Variants in PTPRT observed in about 807,000 individuals in gnomAD.
PTPRT encodes the protein protein tyrosine phosphatase receptor type T.
A neutral mutation model predicts 176.8 loss-of-function variants in PTPRT; 56 were observed. The ratio of observed to expected loss-of-function variants is 0.32; its 90% CI spans 0.26 to 0.40. The LOEUF is 0.40. Ranked by LOEUF, PTPRT falls within the 10% of genes least tolerant of loss-of-function variation. The probability of loss-of-function intolerance (pLI) is 1.00; values close to 1 mark genes in which losing one functional copy is unlikely to be tolerated. For synonymous variants in PTPRT, 783 were observed against 739.0 expected, an observed-to-expected ratio of 1.06 and a Z score of -0.96; for missense variants, 1,540 against 1,908.2, an observed-to-expected ratio of 0.81 and a Z score of 3.60.
At position 42,184,541 on chromosome 20, in the gene PTPRT, C is replaced by CTCTTCCTCTTCT. The variant is rs1555797959; in HGVS notation, c.2491+14698_2491+14699insAGAAGAGGAAGA. Among the ~76,000 whole-genome samples the CTCTTCCTCTTCT allele has an allele frequency of 1.8e-3, 162 of 91,612 alleles. 2 individuals carry two copies. Among genetic ancestry groups the CTCTTCCTCTTCT allele is most frequent in the African/African-American group, 6.7e-3 (145 of 21,678 alleles). 60.1% of individuals were successfully genotyped at this position (91,612 alleles called of 152,430 possible). A position where few individuals can be genotyped will look rare whatever the true frequency, so the allele number is the denominator to read the frequency against. On this transcript the variant is annotated intron_variant, in intron 16 of 30. Coordinates refer to ENST00000373187, the MANE Select transcript of PTPRT (RefSeq NM_007050.6). ...CTCCTTCTTCTTCTTCTTCCTCTTC[C>CTCTTCCTCTTCT]TCTTCTTCTTCTTCTTCTTATTCTT...
chr20:42,764,237 G>A lies in PTPRT; in HGVS notation c.684+7198C>T, dbSNP rs2076953479. On this transcript the variant is annotated intron_variant, in intron 5 of 30. Transcript: ENST00000373187. ...AGGAAAGCACTGGGGACATTTACAA[G>A]GGCCACTCCTTGGAAGAGGTGGCAC... Among the ~76,000 whole-genome samples, 4 of 152,134 alleles carry A rather than the reference G, an allele frequency of 2.6e-5. 1 individual carries two copies. The South Asian group carries it at 8.3e-4, about 32-fold the overall frequency.
intron 9 of PTPRT, among the ~76,000 whole-genome samples, chr20:42,426,110 G>C (rs2059161307): frequency 6.6e-6 from 1 of 152,046 alleles, no homozygotes; most frequent in Admixed American, 6.5e-5. Context: ...GGTAGAAGAG[G>C]GTTCCCTGGC....
intron 1 of PTPRT, among the ~76,000 whole-genome samples, chr20:43,054,726 C>G (rs1299299635): frequency 6.6e-6 from 1 of 152,084 alleles, no homozygotes; most frequent in Non-Finnish European, 1.5e-5. Context: ...TCTGTAGTCC[C>G]TGACAGCACC....
chr20:43,155,177 T>C lies in PTPRT; in HGVS notation c.88+34469A>G, dbSNP rs147906042. On this transcript the variant is annotated intron_variant, in intron 1 of 30. Transcript: ENST00000373187. ...TATTAAAAATAGAACTGCCATATGA[T>C]CCAGCAATCTCACTTCTGGGTATAT... 1.2e-3 allele frequency among the ~76,000 whole-genome samples: 187 copies of C among 152,340 alleles called. No homozygotes were observed. The Middle Eastern group carries it at 0.02, about 17-fold the overall frequency.
At chr20:42,681,756 G>A (rs2075607644) in intron 6 of PTPRT, among the ~76,000 whole-genome samples, 1 of 152,102 alleles carries the variant, frequency 6.6e-6, no homozygotes, top group Non-Finnish European at 1.5e-5. Context: ...TGAGAAGGAG[G>A]GCATTCGAGA....
intron 4 of PTPRT, among the ~76,000 whole-genome samples, chr20:42,774,938 A>G (rs1293790850): frequency 6.6e-6 from 1 of 152,062 alleles, no homozygotes; most frequent in Admixed American, 6.5e-5. Flanking sequence ...CATGCCCCCA[A>G]ACGGCCTGCT....
intron 12 of PTPRT, among the ~76,000 whole-genome samples, chr20:42,285,496 G>T (rs2057214220): frequency 6.6e-6 from 1 of 151,930 alleles, no homozygotes. Flanking sequence ...AGTCTTATCT[G>T]TCCAGACATC....
intron 15 of PTPRT, among the ~76,000 whole-genome samples, chr20:42,224,807 C>T (rs375467942): frequency 6.6e-6 from 1 of 152,196 alleles, no homozygotes; most frequent in African/African-American, 2.4e-5. Context: ...AGAAAGGCAA[C>T]ATTTCTAATG....
At chr20:43,008,532 A>T (rs1391365409) in intron 1 of PTPRT, among the ~76,000 whole-genome samples, 1 of 151,898 alleles carries the variant, frequency 6.6e-6, no homozygotes, top group African/African-American at 2.4e-5. Flanking sequence ...CTCTACTAAA[A>T]ATACAAAAGT....
At chr20:42,534,099 G>C (rs1342416832) in intron 7 of PTPRT, among the ~76,000 whole-genome samples, 3 of 152,212 alleles carry the variant, frequency 2.0e-5, no homozygotes, top group Admixed American at 2.0e-4. Context: ...GAAAACAAAA[G>C]ATGAGCAGAC....
intron 1 of PTPRT, among the ~76,000 whole-genome samples, chr20:43,057,100 C>T (rs894180294): frequency 4.0e-5 from 6 of 151,466 alleles, no homozygotes; most frequent in Non-Finnish European, 8.8e-5. Context: ...GAAAACAGAT[C>T]AGTAGTTGCC....
At chr20:42,144,171 G>A (rs1988759815) in intron 17 of PTPRT, among the ~76,000 whole-genome samples, 1 of 152,156 alleles carries the variant, frequency 6.6e-6, no homozygotes, top group Non-Finnish European at 1.5e-5. Context: ...AGGAAAGAAG[G>A]CTGACCCTTA....
At chr20:43,144,802 G>C (rs1163104180) in intron 1 of PTPRT, among the ~76,000 whole-genome samples, 1 of 152,106 alleles carries the variant, frequency 6.6e-6, no homozygotes, top group Non-Finnish European at 1.5e-5. Flanking sequence ...AAAAAGTGAT[G>C]TTTTCAAAAA....
At chr20:42,140,658 A>G (rs2146411767) in intron 18 of PTPRT, among the ~76,000 whole-genome samples, 1 of 152,258 alleles carries the variant, frequency 6.6e-6, no homozygotes, top group Non-Finnish European at 1.5e-5. Flanking sequence ...CCAATCAAGT[A>G]TACCTTCCAT....
At chr20:42,521,385 T>G (rs550203398) in intron 7 of PTPRT, among the ~76,000 whole-genome samples, 2 of 152,332 alleles carry the variant, frequency 1.3e-5, no homozygotes, top group South Asian at 4.1e-4. Flanking sequence ...ATGCTTTCTA[T>G]GTTGTACACC....
chr20:42,052,477 C>T, the PTPRT span, among the ~76,000 whole-genome samples: 1 of 152,124 alleles, frequency 6.6e-6, no homozygotes, highest in Admixed American at 6.5e-5. Context: ...GAAGAGTGGC[C>T]CCCCCACACC....
rs368138310 is a variant in PTPRT at position 43,077,672 on chromosome 20, TA to T, written c.88+111973del. On this transcript the variant is annotated intron_variant, in intron 1 of 30. Coordinates refer to ENST00000373187, the MANE Select transcript of PTPRT (RefSeq NM_007050.6). ...AATCTAAAAACACACCGGCTTCAGT[TA>T]CCTTTCCCAATCATCCCTGGGTATA... Among the ~76,000 whole-genome samples the T allele has an allele frequency of 2.6e-5, 4 of 152,282 alleles. No individual in the cohort carries two copies. In the East Asian group the frequency reaches 7.7e-4, roughly 29 times the overall value.
At chr20:42,240,714 C>G (rs2056336618) in intron 14 of PTPRT, among the ~76,000 whole-genome samples, 1 of 95,138 alleles carries the variant, frequency 1.1e-5, no homozygotes, top group Non-Finnish European at 2.2e-5. Flanking sequence ...ATGCATCCAT[C>G]CATCCCATCC....
intron 2 of PTPRT, among the ~76,000 whole-genome samples, chr20:42,804,622 T>C (rs1569165992): frequency 6.6e-6 from 1 of 152,210 alleles, no homozygotes; most frequent in African/African-American, 2.4e-5. Flanking sequence ...ACAACAGAAG[T>C]TGATCGTCTC....
Sources: allele counts gnomAD v4.1 joint callset (sites outside exome capture counted in the v4.1 genomes callset), GRCh38; gene constraint gnomAD v4.1.1; transcripts MANE v1.5; gene names NCBI Gene and HGNC (gene_info 2026-07-23, HGNC 2026-07-21).